Variants in CSMD1 observed in about 807,000 individuals in gnomAD.
CSMD1 encodes the protein CUB and Sushi multiple domains 1.
In CSMD1, 213 loss-of-function variants were observed where a neutral mutation model predicts 417.5. The ratio of observed to expected loss-of-function variants is 0.51; its 90% CI spans 0.46 to 0.57. The LOEUF (loss-of-function observed/expected upper bound fraction) is 0.57, where lower values mean the gene tolerates loss of function less well. Ranked by LOEUF, CSMD1 falls within the 20% of genes least tolerant of loss-of-function variation. The pLI is 0.00. For synonymous variants in CSMD1, 2,862 were observed against 1,736.8 expected, an observed-to-expected ratio of 1.65 and a Z score of -16.11; for missense variants, 6,923 against 4,529.7, an observed-to-expected ratio of 1.53 and a Z score of -15.17.
chr8:4,222,775 C>G (rs140560893), intron 3 of CSMD1, among the ~76,000 whole-genome samples: 11 of 151,994 alleles, frequency 7.2e-5, no homozygotes, highest in Non-Finnish European at 1.3e-4. Flanking sequence ...TTTAGCTCAC[C>G]GAGTCATCAT....
chr8:4,303,422 G>GTTTTTTTTTTTTTTTTT (rs71511194), intron 3 of CSMD1, among the ~76,000 whole-genome samples: 2 of 85,216 alleles, frequency 2.3e-5, no homozygotes, highest in African/African-American at 9.5e-5. Flanking sequence ...GCAGGAAGCT[G>GTTTTTTTTTTTTTTTTT]TTTTTTTTTT....
chr8:4,223,777 A>G (rs1301949952), intron 3 of CSMD1, among the ~76,000 whole-genome samples: 2 of 152,214 alleles, frequency 1.3e-5, no homozygotes, highest in Non-Finnish European at 2.9e-5. Context: ...ACCTAGTCTG[A>G]TGCAAATTAA....
chr8:3,157,463 T>A (rs140022498), intron 39 of CSMD1, among the ~76,000 whole-genome samples: 65 of 152,326 alleles, frequency 4.3e-4, no homozygotes, highest in African/African-American at 1.4e-3. Context: ...GTTTCCAACA[T>A]GAAATACTCC....
At chr8:4,813,740 A>G (rs1563469964) in intron 1 of CSMD1, among the ~76,000 whole-genome samples, 1 of 152,196 alleles carries the variant, frequency 6.6e-6, no homozygotes, top group Non-Finnish European at 1.5e-5. Context: ...CTACCGACAT[A>G]CAGACTTTAA....
intron 3 of CSMD1, among the ~76,000 whole-genome samples, chr8:4,408,213 G>A (rs1425073368): frequency 6.6e-6 from 1 of 152,188 alleles, no homozygotes; most frequent in Admixed American, 6.5e-5. Context: ...ACAGGCCCCA[G>A]GCCATTCCTC....
intron 5 of CSMD1, among the ~76,000 whole-genome samples, chr8:3,904,845 C>T (rs1183156394): frequency 6.6e-6 from 1 of 151,994 alleles, no homozygotes; most frequent in Non-Finnish European, 1.5e-5. Flanking sequence ...CCATGTTGAC[C>T]AGGCTGGTCT....
chr8:3,262,298 T>C (rs1278071943), intron 26 of CSMD1, among the ~76,000 whole-genome samples: 1 of 147,540 alleles, frequency 6.8e-6, no homozygotes, highest in Non-Finnish European at 1.5e-5. Context: ...ACAGAAGTCA[T>C]GTATTTCTGA....
At chr8:4,128,349 C>G (rs535767812) in intron 3 of CSMD1, among the ~76,000 whole-genome samples, 3 of 152,122 alleles carry the variant, frequency 2.0e-5, no homozygotes, top group African/African-American at 7.2e-5. Flanking sequence ...GAACGTGAAC[C>G]AAGTAAAAAC....
Position 3,112,003 on chromosome 8 carries a change from C to T in CSMD1, c.6431-1668G>A, listed in dbSNP as rs116958182. Among the ~76,000 whole-genome samples, 330 of 151,996 alleles carry T rather than the reference C, an allele frequency of 2.2e-3. 7 individuals are homozygous for T. The East Asian group carries it at 0.032, about 15-fold the overall frequency. On this transcript the variant is annotated intron_variant, in intron 42 of 69. Coordinates refer to ENST00000635120, the MANE Select transcript of CSMD1 (RefSeq NM_033225.6). Reference sequence around the variant, plus strand: ...TTGTCTCTTCCTTTAAAACTCAACTCCTTGTCACCGCTTCCTTAAGGTCTT... The same window carrying T: ...TTGTCTCTTCCTTTAAAACTCAACTTCTTGTCACCGCTTCCTTAAGGTCTT...
chr8:4,187,473 G>A (rs1053070602), intron 3 of CSMD1, among the ~76,000 whole-genome samples: 38 of 151,950 alleles, frequency 2.5e-4, no homozygotes, highest in African/African-American at 8.2e-4. Context: ...GTGAAACCCC[G>A]TCGCTACTAA....
chr8:4,798,705 T>G (rs1798115852), intron 1 of CSMD1, among the ~76,000 whole-genome samples: 1 of 152,094 alleles, frequency 6.6e-6, no homozygotes, highest in Non-Finnish European at 1.5e-5. Context: ...AAAATACCAA[T>G]TTGTTAAAAA....
rs192420521 is a variant in CSMD1 at position 4,490,280 on chromosome 8, T to C, written c.303-70215A>G. On this transcript the variant is annotated intron_variant, in intron 2 of 69. Coordinates refer to ENST00000635120, the MANE Select transcript of CSMD1 (RefSeq NM_033225.6). ...TGATCTTGAACTGCTGACCTCGTGA[T>C]CCACTCTCTTCGGCCTCCCAAAGTG... Among the ~76,000 whole-genome samples the C allele has an allele frequency of 3.8e-3, 573 of 152,238 alleles. 8 individuals are homozygous for C. The highest frequency in any genetic ancestry group is 8.9e-3 in the South Asian group (43 of 4,818).
intron 2 of CSMD1, among the ~76,000 whole-genome samples, chr8:4,486,836 C>T (rs1205151656): frequency 6.6e-6 from 1 of 152,114 alleles, no homozygotes; most frequent in Non-Finnish European, 1.5e-5. Flanking sequence ...TTCCACTTGG[C>T]TATTGTTATT....
At chr8:4,497,889 G>C (rs999368928) in intron 2 of CSMD1, among the ~76,000 whole-genome samples, 2 of 152,052 alleles carry the variant, frequency 1.3e-5, no homozygotes, top group Non-Finnish European at 2.9e-5. Context: ...CATCCTGTTG[G>C]CGTTTGAATG....
chr8:4,593,273 T>A (rs1800081541), intron 2 of CSMD1, among the ~76,000 whole-genome samples: 1 of 152,226 alleles, frequency 6.6e-6, no homozygotes, highest in African/African-American at 2.4e-5. Context: ...TTAATATGAT[T>A]TCCCCATTTG....
chr8:4,396,818 G>C (rs982381517), intron 3 of CSMD1, among the ~76,000 whole-genome samples: 1 of 152,052 alleles, frequency 6.6e-6, no homozygotes, highest in Non-Finnish European at 1.5e-5. Flanking sequence ...TATAAGAAGT[G>C]GGAGCTAAGC....
intron 37 of CSMD1, among the ~76,000 whole-genome samples, chr8:3,168,118 T>C (rs1585537433): frequency 6.9e-6 from 1 of 145,738 alleles, no homozygotes; most frequent in African/African-American, 2.5e-5. Context: ...AAGCAGAGAG[T>C]GAGGGAAGCA....
At chr8:4,893,007 CTG>C (rs1484879660) in intron 1 of CSMD1, among the ~76,000 whole-genome samples, 7 of 152,224 alleles carry the variant, frequency 4.6e-5, no homozygotes, top group African/African-American at 1.7e-4. Flanking sequence ...GATACTGCAT[CTG>C]TGTTTGTAAT....
chr8:4,709,891 A>G (rs1335962878), intron 1 of CSMD1, among the ~76,000 whole-genome samples: 2 of 152,230 alleles, frequency 1.3e-5, no homozygotes, highest in Admixed American at 6.5e-5. Flanking sequence ...TAAAGTAAAC[A>G]CATCTGAAAT....
Sources: allele counts gnomAD v4.1 joint callset (sites outside exome capture counted in the v4.1 genomes callset), GRCh38; gene constraint gnomAD v4.1.1; transcripts MANE v1.5; gene names NCBI Gene and HGNC (gene_info 2026-07-23, HGNC 2026-07-21).